Variants in ADGRA3 observed in about 807,000 individuals in gnomAD.
The protein encoded by ADGRA3 is adhesion G protein-coupled receptor A3.
A neutral mutation model predicts 119.8 loss-of-function variants in ADGRA3; 56 were observed. The observed-to-expected ratio is 0.47, with a 90% CI of 0.38 to 0.58. The LOEUF (loss-of-function observed/expected upper bound fraction) is 0.58, where lower values mean the gene tolerates loss of function less well. Ranked by LOEUF, ADGRA3 falls within the 20% of genes least tolerant of loss-of-function variation. The pLI, the probability that ADGRA3 is intolerant of heterozygous loss-of-function variation, is 0.00. For missense variants in ADGRA3, 1,516 were observed against 1,649.0 expected (o/e 0.92, Z 1.40); for synonymous variants, 607 against 623.8 (o/e 0.97, Z 0.40).
At chr4:22,493,632 A>T (rs1718706485) in intron 1 of ADGRA3, among the ~76,000 whole-genome samples, 1 of 152,160 alleles carries the variant, frequency 6.6e-6, no homozygotes, top group Non-Finnish European at 1.5e-5. Context: ...TTTTTACCGA[A>T]GGTGGGGCCT....
Position 22,439,592 on chromosome 4 carries a change from C to T in ADGRA3, c.921-1172G>A, listed in dbSNP as rs1373012390. On this transcript the variant is annotated intron_variant, in intron 7 of 18. Coordinates refer to ENST00000334304, the MANE Select transcript of ADGRA3 (RefSeq NM_145290.4). ...TACAGCAAATGTTCTAATAAAGGCT[C>T]AAGACACTTTTATATTATGAATCAT... Among the ~76,000 whole-genome samples the T allele has an allele frequency of 1.3e-5, 2 of 152,076 alleles. 1 individual carries two copies. The highest frequency in any genetic ancestry group is 4.2e-4 in the South Asian group (2 of 4,814).
At chr4:22,460,096 C>T (rs897247685) in intron 3 of ADGRA3, among the ~76,000 whole-genome samples, 6 of 152,160 alleles carry the variant, frequency 3.9e-5, no homozygotes, top group African/African-American at 1.4e-4. Flanking sequence ...AATACATATT[C>T]ATTCCTTGGG....
intron 11 of ADGRA3, among the ~76,000 whole-genome samples, chr4:22,422,122 C>T (rs1389444407): frequency 6.6e-6 from 1 of 152,086 alleles, no homozygotes; most frequent in East Asian, 1.9e-4. Context: ...CACACCTTCA[C>T]ATCCAGCAGA....
Position 22,413,890 on chromosome 4 carries a change from T to C in ADGRA3, c.1810-76A>G, listed in dbSNP as rs115460184. 3.3e-3 allele frequency: 3,121 copies of C among 954,932 alleles called. 70 individuals carry two copies. The African/African-American group carries it at 0.048, about 15-fold the overall frequency. 59.2% of individuals were successfully genotyped at this position (954,932 alleles called of 1,614,324 possible). A position where few individuals can be genotyped will look rare whatever the true frequency, so the allele number is the denominator to read the frequency against. ...ACCAGAAAAAAATATGTCAGATAGTTACAAAAGTGGTATAATTAGGTTGAC... is the reference window on the plus strand; with the variant it reads ...ACCAGAAAAAAATATGTCAGATAGTCACAAAAGTGGTATAATTAGGTTGAC... On this transcript the variant is annotated intron_variant, in intron 12 of 18. Transcript: ENST00000334304.
chr4:22,464,589 C>G (rs1717587108), intron 2 of ADGRA3, among the ~76,000 whole-genome samples: 2 of 152,222 alleles, frequency 1.3e-5, no homozygotes, highest in African/African-American at 4.8e-5. Context: ...GCACCTGCTG[C>G]AGTAGACACT....
chr4:22,454,927 T>C lies in ADGRA3; in HGVS notation c.412A>G (p.Asn138Asp). Residue 138 changes from asparagine to aspartate, a missense_variant, in exon 4 of 19, where the codon AAC becomes GAC. By Grantham distance (23) the Asn-to-Asp change is conservative (BLOSUM62 1). Transcript: ENST00000334304. The part of the protein sequence containing the change: ...LSSLKRLDLT[N>D]NRIGCLNADI... ...GCATTCAGACATCCTATTCGATTGTTTGTCAGATCCCTAAGGAGAAGGGTG... is the reference window on the plus strand; with the variant it reads ...GCATTCAGACATCCTATTCGATTGTCTGTCAGATCCCTAAGGAGAAGGGTG... The C allele has an allele frequency of 1.2e-6, 2 of 1,613,284 alleles. No individual in the cohort carries two copies. The highest frequency in any genetic ancestry group is 1.7e-6 in the Non-Finnish European group (2 of 1,179,246).
chr4:22,446,967 T>C (rs1429947136), intron 5 of ADGRA3, among the ~76,000 whole-genome samples: 1 of 152,046 alleles, frequency 6.6e-6, no homozygotes, highest in Non-Finnish European at 1.5e-5. Flanking sequence ...TTAAACTGAT[T>C]TCATAAAGTA....
At chr4:22,496,836 G>A (rs1315105302) in intron 1 of ADGRA3, among the ~76,000 whole-genome samples, 1 of 152,070 alleles carries the variant, frequency 6.6e-6, no homozygotes, top group East Asian at 1.9e-4. Flanking sequence ...GGGCTTCCGG[G>A]GCCACTGGCA....
At chr4:22,396,314 G>A (rs1452901381) in intron 16 of ADGRA3, among the ~76,000 whole-genome samples, 1 of 152,186 alleles carries the variant, frequency 6.6e-6, no homozygotes, top group Non-Finnish European at 1.5e-5. Flanking sequence ...CAATCACTGT[G>A]AGGGAAGAAA....
At chr4:22,426,937 A>G (rs1040729564) in intron 10 of ADGRA3, among the ~76,000 whole-genome samples, 2 of 152,202 alleles carry the variant, frequency 1.3e-5, no homozygotes, top group Admixed American at 1.3e-4. Flanking sequence ...TTCTGGAGTT[A>G]TAAAGAAGGG....
At chr4:22,504,608 C>T (rs966150845) in intron 1 of ADGRA3, among the ~76,000 whole-genome samples, 1 of 152,132 alleles carries the variant, frequency 6.6e-6, no homozygotes, top group African/African-American at 2.4e-5. Context: ...GAATAAGGCC[C>T]TGTCCTGAAG....
rs1321321986 is a variant in ADGRA3 at position 22,390,417 on chromosome 4, TATATATAATACGTATTATA to T, written c.2628-1253_2628-1235del. Among the ~76,000 whole-genome samples the T allele has an allele frequency of 2.6e-3, 266 of 100,924 alleles. 5 individuals carry two copies. In the East Asian group the frequency reaches 0.052, roughly 20 times the overall value. 66.2% of individuals were successfully genotyped at this position (100,924 alleles called of 152,430 possible). A position where few individuals can be genotyped will look rare whatever the true frequency, so the allele number is the denominator to read the frequency against. ...ATATATATATAAAATACGTATTATA[TATATATAATACGTATTATA>T]TATATATATAAAATACGTATTATAT... On this transcript the variant is annotated intron_variant, in intron 17 of 18. Coordinates refer to ENST00000334304, the MANE Select transcript of ADGRA3 (RefSeq NM_145290.4).
intron 1 of ADGRA3, among the ~76,000 whole-genome samples, chr4:22,504,758 T>C (rs1314699046): frequency 6.6e-6 from 1 of 151,932 alleles, no homozygotes; most frequent in African/African-American, 2.4e-5. Context: ...TTGTGGCAGA[T>C]GACAGATGGT....
At chr4:22,493,719 G>C (rs1006886408) in intron 1 of ADGRA3, among the ~76,000 whole-genome samples, 4 of 152,212 alleles carry the variant, frequency 2.6e-5, no homozygotes, top group African/African-American at 9.6e-5. Context: ...ACCAGAGCAA[G>C]TCCATCTTGA....
chr4:22,508,048 T>C (rs1256118304), intron 1 of ADGRA3, among the ~76,000 whole-genome samples: 2 of 152,168 alleles, frequency 1.3e-5, no homozygotes, highest in African/African-American at 2.4e-5. Context: ...TTAGCATTAC[T>C]CTTGCCCATA....
In ADGRA3 at chr4:22,515,852, C is replaced by A. The variant is rs1367118396; in HGVS notation, c.-68G>T. ...CTAGCGGGCCGCCCCGGAGCCCGGG[C>A]GGGCAGGAGCGCGGCGCGGGCCCAG... On this transcript the variant is annotated 5_prime_UTR_variant, in exon 1 of 19. Transcript: ENST00000334304. 1.0e-6 allele frequency: 1 copy of A among 970,590 alleles called. No individual in the cohort carries two copies. The highest frequency in any genetic ancestry group is 1.2e-6 in the Non-Finnish European group (1 of 818,298). 60.1% of individuals were successfully genotyped at this position (970,590 alleles called of 1,614,324 possible).
Position 22,387,822 on chromosome 4 carries a change from G to T in ADGRA3, c.3849C>A (p.Leu1283=). The T allele has an allele frequency of 6.2e-7, 1 of 1,614,122 alleles. No individual in the cohort carries two copies. Among genetic ancestry groups the T allele is most frequent in the Non-Finnish European group, 8.5e-7 (1 of 1,179,976 alleles). ...TTGGTCCATTCTGAATGGCCAAGTTGAGGCCATAAGATTTTTGCTGATTTT... is the reference window on the plus strand; with the variant it reads ...TTGGTCCATTCTGAATGGCCAAGTTTAGGCCATAAGATTTTTGCTGATTTT... The part of the protein sequence containing the change: ...ELENQQKSYG[L]NLAIQNGPIK... The change falls in exon 19 of 19, where the codon CTC becomes CTA. Residue 1283 remains leucine, a synonymous_variant. Coordinates refer to ENST00000334304, the MANE Select transcript of ADGRA3 (RefSeq NM_145290.4).
intron 1 of ADGRA3, among the ~76,000 whole-genome samples, chr4:22,514,252 TCTGA>T (rs1313425012): frequency 6.6e-6 from 1 of 152,136 alleles, no homozygotes; most frequent in Non-Finnish European, 1.5e-5. Context: ...CTTCAAAGAA[TCTGA>T]CTAAGAAATA....
chr4:22,401,569 G>C lies in ADGRA3; in HGVS notation c.2358-15C>G. 1 of 1,591,878 alleles carries C rather than the reference G, an allele frequency of 6.3e-7. No homozygotes were observed. Among genetic ancestry groups the C allele is most frequent in the Non-Finnish European group, 8.6e-7 (1 of 1,165,176 alleles). On this transcript the variant is annotated splice_polypyrimidine_tract_variant and intron_variant, in intron 15 of 18. Transcript: ENST00000334304. ...TTCTAATCAAACTGTTTAAAAAAGA[G>C]AGAAAATATTAATATTCAGGCTAGT...
Sources: gnomAD v4.1 joint callset for allele counts (sites outside exome capture counted in the v4.1 genomes callset) on GRCh38, gnomAD v4.1.1 for gene constraint, MANE v1.5 for transcripts, NCBI Gene and HGNC (gene_info 2026-07-23, HGNC 2026-07-21) for gene names.